Variants in BCL11B observed in about 807,000 individuals in gnomAD.
BCL11B encodes the protein B-cell lymphoma/leukemia 11B.
BCL11B carries 8 observed loss-of-function variants against 49.9 expected under a neutral mutation model. The ratio of observed to expected loss-of-function variants is 0.16; its 90% CI spans 0.09 to 0.29. The LOEUF is 0.29. BCL11B is among the 10% of genes least tolerant of loss of function. The pLI is 1.00. For synonymous variants in BCL11B, 739 were observed against 637.4 expected (o/e 1.16, Z -2.40); for missense variants, 1,006 against 1,351.0 (o/e 0.74, Z 4.00).
chr14:99,244,251 A>G (rs1157573261), intron 2 of BCL11B, among the ~76,000 whole-genome samples: 1 of 152,160 alleles, frequency 6.6e-6, no homozygotes, highest in East Asian at 1.9e-4. Context: ...TACTTCAGCC[A>G]ACCACAGGTT....
rs761241419 is a variant in BCL11B, at chr14:99,242,735, A to G, written c.428-11178T>C. ...TTTGGACCCTGCCAGAGGTTATTTT[A>G]TGAAAAATCTAATTCAAGTAATCCA... On this transcript the variant is annotated intron_variant, in intron 2 of 3. Transcript: ENST00000357195. The surrounding 1 kb of genome is among the most constrained non-coding windows in gnomAD (Gnocchi z 4.4). 6.6e-6 allele frequency among the ~76,000 whole-genome samples: 1 copy of G among 152,264 alleles called. No individual in the cohort carries two copies. The highest frequency in any genetic ancestry group is 1.5e-5 in the Non-Finnish European group (1 of 68,048).
In BCL11B at chr14:99,170,617, C is replaced by T. The variant is rs1424512889; in HGVS notation, c.*3534G>A. ...TGGAGGATGAAGGATGGAGAGGAAA[C>T]GCAGGGGAAGGAGAGAGAACGAGAT... On this transcript the variant is annotated 3_prime_UTR_variant, in exon 4 of 4. Coordinates refer to ENST00000357195, the MANE Select transcript of BCL11B (RefSeq NM_138576.4). 4.3e-6 allele frequency: 1 copy of T among 232,326 alleles called. No homozygotes were observed. Among genetic ancestry groups the T allele is most frequent in the East Asian group, 6.1e-5 (1 of 16,474 alleles). 14.4% of individuals were successfully genotyped at this position (232,326 alleles called of 1,614,324 possible).
In BCL11B at chr14:99,174,273, G is replaced by A. The variant is rs2139752719; in HGVS notation, c.2563C>T (p.Arg855Cys). The A allele has an allele frequency of 6.2e-7, 1 of 1,613,734 alleles. No individual in the cohort carries two copies. Among genetic ancestry groups the A allele is most frequent in the Non-Finnish European group, 8.5e-7 (1 of 1,180,018 alleles). The change falls in exon 4 of 4, where the codon CGC (arginine) becomes TGC (cysteine). Residue 855 changes from arginine to cysteine, a missense_variant. Arg to Cys is a radical substitution (Grantham distance 180). Transcript: ENST00000357195. ...THGQIGKEVY[R>C]CDICQMPFSV... ...AAGGGCATCTGGCAGATGTCGCAGC[G>A]GTACACCTCCTTGCCGATCTGCCCG...
Position 99,173,215 on chromosome 14 carries a change from C to A in BCL11B, c.*936G>T. 1 of 228,486 alleles carries A rather than the reference C, an allele frequency of 4.4e-6. No homozygotes were observed. The highest frequency in any genetic ancestry group is 6.2e-5 in the East Asian group (1 of 16,002). 14.2% of individuals were successfully genotyped at this position (228,486 alleles called of 1,614,324 possible). ...GGTACCCTCAGCCCATTTTATGTAGCCTAATCTACAGCGAATAGCAGCCAT... is the reference window on the plus strand; with the variant it reads ...GGTACCCTCAGCCCATTTTATGTAGACTAATCTACAGCGAATAGCAGCCAT... On this transcript the variant is annotated 3_prime_UTR_variant, in exon 4 of 4. Transcript: ENST00000357195.
In BCL11B at chr14:99,176,209, C is replaced by A. The variant is rs376169292; in HGVS notation, c.641-14G>T. On this transcript the variant is annotated splice_polypyrimidine_tract_variant and intron_variant, in intron 3 of 3. Coordinates refer to ENST00000357195, the MANE Select transcript of BCL11B (RefSeq NM_138576.4). ...GCTCATCTTTACCTGGGGAAACACA[C>A]GGACAGAAAGGCAGAGACAGCGTGA... 1.8e-5 allele frequency: 29 copies of A among 1,607,108 alleles called. No individual in the cohort carries two copies. Among genetic ancestry groups the A allele is most frequent in the Non-Finnish European group, 2.3e-5 (27 of 1,176,966 alleles).
At chr14:99,182,986 A>ATGTAG (rs1886751851) in intron 3 of BCL11B, among the ~76,000 whole-genome samples, 4 of 152,188 alleles carry the variant, frequency 2.6e-5, no homozygotes, top group African/African-American at 9.7e-5. Flanking sequence ...TAATTCACTG[A>ATGTAG]ACAAACAGGA....
intron 2 of BCL11B, among the ~76,000 whole-genome samples, chr14:99,244,300 CT>C (rs201718157): frequency 0.015 from 2,206 of 151,596 alleles, 47 homozygotes; most frequent in Non-Finnish European, 0.014. Context: ...TTACCCCCCC[CT>C]CACACACACA....
chr14:99,176,235 G>A, intron 3 of BCL11B, 40 bp from the exon 4 acceptor site: 1 of 1,588,208 alleles, frequency 6.3e-7, no homozygotes, highest in Non-Finnish European at 8.6e-7. Context: ...GACAGCGTGA[G>A]AAGCGGCAGC....
At chr14:99,186,155 G>GGA (rs1231659158) in intron 3 of BCL11B, among the ~76,000 whole-genome samples, 2 of 152,202 alleles carry the variant, frequency 1.3e-5, no homozygotes. Context: ...CCCAGAGGAG[G>GGA]GAGAGGCTGA....
intron 3 of BCL11B, among the ~76,000 whole-genome samples, chr14:99,182,382 A>T (rs1886731382): frequency 6.6e-6 from 1 of 152,294 alleles, no homozygotes; most frequent in Non-Finnish European, 1.5e-5. Flanking sequence ...TGCTCTTGTT[A>T]TGCTGTTCTG....
At chr14:99,209,592 C>G (rs1422544504) in intron 3 of BCL11B, among the ~76,000 whole-genome samples, 1 of 152,128 alleles carries the variant, frequency 6.6e-6, no homozygotes, top group Non-Finnish European at 1.5e-5. Context: ...AGGATCCAGC[C>G]CCTGGGGAGC....
intron 3 of BCL11B, among the ~76,000 whole-genome samples, chr14:99,202,550 C>T (rs947499872): frequency 1.3e-5 from 2 of 152,180 alleles, no homozygotes; most frequent in African/African-American, 4.8e-5. Flanking sequence ...AGACAGCTTC[C>T]TCCTGAAGCC....
intron 1 of BCL11B, among the ~76,000 whole-genome samples, chr14:99,261,224 C>T (rs1341405917): frequency 6.6e-6 from 1 of 152,200 alleles, no homozygotes; most frequent in South Asian, 2.1e-4. Context: ...GGCCTGAAAG[C>T]TCACGTTCAA....
chr14:99,269,027 T>C (rs1230782008), intron 1 of BCL11B, among the ~76,000 whole-genome samples: 6 of 150,676 alleles, frequency 4.0e-5, no homozygotes, highest in Non-Finnish European at 8.8e-5. Context: ...GTCCCAGGAA[T>C]GCCAGGAGAA....
Position 99,171,315 on chromosome 14 carries a change from T to C in BCL11B, c.*2836A>G. On this transcript the variant is annotated 3_prime_UTR_variant, in exon 4 of 4. Coordinates refer to ENST00000357195, the MANE Select transcript of BCL11B (RefSeq NM_138576.4). Reference sequence around the variant, plus strand: ...TTTCTCAAAGGTTGTCAAACAACCCTTTTTCTCCTGTACAATAGGACTTAA... The same window carrying C: ...TTTCTCAAAGGTTGTCAAACAACCCCTTTTCTCCTGTACAATAGGACTTAA... The C allele has an allele frequency of 4.5e-6, 1 of 223,256 alleles. No homozygotes were observed. Among genetic ancestry groups the C allele is most frequent in the Non-Finnish European group, 9.0e-6 (1 of 111,582 alleles). The allele number at this position is 223,256 out of a possible 1,614,324, so 13.8% of individuals were successfully genotyped here.
At chr14:99,193,729 C>A (rs1276493055) in intron 3 of BCL11B, among the ~76,000 whole-genome samples, 1 of 152,220 alleles carries the variant, frequency 6.6e-6, no homozygotes, top group Non-Finnish European at 1.5e-5. Flanking sequence ...CCACTGCCAA[C>A]AGAAGTTCTG....
chr14:99,204,741 C>T (rs1887486459), intron 3 of BCL11B, among the ~76,000 whole-genome samples: 1 of 152,244 alleles, frequency 6.6e-6, no homozygotes, highest in African/African-American at 2.4e-5. Context: ...AGAGCGAGAG[C>T]TCGAGCCCAA....
Position 99,175,243 on chromosome 14 carries a change from C to T in BCL11B, c.1593G>A (p.Glu531=). The change falls in exon 4 of 4, where the codon GAG becomes GAA. Residue 531 remains glutamate, a synonymous_variant. Transcript: ENST00000357195. The part of the protein sequence containing the change: ...ESDPSLGHEP[E]EEDEEEEEEE... ...CCTCCTCCTCCTCCTCGTCCTCCTC[C>T]TCCGGCTCGTGGCCCAGCGACGGGT... The T allele has an allele frequency of 3.9e-6, 6 of 1,547,242 alleles. No homozygotes were observed. Among genetic ancestry groups the T allele is most frequent in the Non-Finnish European group, 5.2e-6 (6 of 1,149,808 alleles).
intron 1 of BCL11B, among the ~76,000 whole-genome samples, chr14:99,267,345 C>A (rs1349063738): frequency 6.6e-6 from 1 of 151,932 alleles, no homozygotes; most frequent in African/African-American, 2.4e-5. Flanking sequence ...GGAAAAAAGA[C>A]CCTTTAAAAA....
Sources: allele counts gnomAD v4.1 joint callset (sites outside exome capture counted in the v4.1 genomes callset), GRCh38; gene constraint gnomAD v4.1.1; non-coding constraint Gnocchi (gnomAD v3.1); transcripts MANE v1.5; gene names NCBI Gene and HGNC (gene_info 2026-07-23, HGNC 2026-07-21).